Variants in MAST4 observed in about 807,000 individuals in gnomAD.
MAST4 encodes microtubule-associated serine/threonine-protein kinase 4.
Under a neutral mutation model 162.7 loss-of-function variants are expected in MAST4, and 89 were observed. The ratio of observed to expected loss-of-function variants is 0.55; its 90% CI spans 0.46 to 0.65. MAST4 has a LOEUF of 0.65. MAST4 is among the 30% of genes least tolerant of loss of function. MAST4 has a pLI of 0.00. For synonymous variants in MAST4, 1,479 were observed against 1,361.1 expected (o/e 1.09, Z -1.91); for missense variants, 3,153 against 3,374.0 (o/e 0.93, Z 1.62).
intron 4 of MAST4, among the ~76,000 whole-genome samples, chr5:66,931,504 C>T (rs144391570): frequency 0.013 from 2,030 of 152,046 alleles, 28 homozygotes; most frequent in Middle Eastern, 0.037. Context: ...TGAAAGGAGC[C>T]GAGCTAACTC....
intron 4 of MAST4, among the ~76,000 whole-genome samples, chr5:66,976,667 T>C (rs1748180474): frequency 6.6e-6 from 1 of 152,214 alleles, no homozygotes; most frequent in Admixed American, 6.5e-5. Flanking sequence ...TTCCGTAGGC[T>C]CTAGCATTCA....
intron 4 of MAST4, among the ~76,000 whole-genome samples, chr5:67,010,211 G>A (rs1752510909): frequency 6.6e-6 from 1 of 152,168 alleles, no homozygotes; most frequent in Non-Finnish European, 1.5e-5. Flanking sequence ...AGTGATAAAT[G>A]AGATAGATGA....
intron 3 of MAST4, among the ~76,000 whole-genome samples, chr5:66,797,006 C>A (rs1428957213): frequency 6.6e-6 from 1 of 152,200 alleles, no homozygotes; most frequent in Non-Finnish European, 1.5e-5. Flanking sequence ...CAGGATTTTA[C>A]TGGTTTCCGT....
chr5:66,799,914 C>T (rs1304616836), intron 3 of MAST4, among the ~76,000 whole-genome samples: 1 of 152,150 alleles, frequency 6.6e-6, no homozygotes, highest in Non-Finnish European at 1.5e-5. Context: ...GTACCTATCT[C>T]ATGTCATTGT....
Position 66,910,741 on chromosome 5 carries a change from C to CTTTGTTTTTTTTTTTTTTT in MAST4, c.674+10762_674+10763insGTTTTTTTTTTTTTTTTTT, listed in dbSNP as rs1763690763. Among the ~76,000 whole-genome samples the CTTTGTTTTTTTTTTTTTTT allele has an allele frequency of 3.1e-3, 63 of 20,100 alleles. 2 individuals carry two copies. The highest frequency in any genetic ancestry group is 7.9e-3 in the Admixed American group (12 of 1,528). The allele number at this position is 20,100 out of a possible 152,430, so 13.2% of individuals were successfully genotyped here. A position where few individuals can be genotyped will look rare whatever the true frequency, so the allele number is the denominator to read the frequency against. On this transcript the variant is annotated intron_variant, in intron 4 of 28. Coordinates refer to ENST00000403625, the MANE Select transcript of MAST4 (RefSeq NM_001164664.2). ...GAATACACATGTGGTTTTTTTTTTT[C>CTTTGTTTTTTTTTTTTTTT]TTTTTTTTTTTTTCTTTTTTTTTTT...
intron 4 of MAST4, among the ~76,000 whole-genome samples, chr5:67,033,347 CTTTTT>C (rs5868472): frequency 7.1e-5 from 8 of 112,148 alleles, no homozygotes; most frequent in Non-Finnish European, 1.0e-4. Context: ...GTGTGTGTGG[CTTTTT>C]TTTTTTCAGA....
chr5:67,117,102 A>G (rs1767009992), intron 12 of MAST4, among the ~76,000 whole-genome samples: 1 of 152,192 alleles, frequency 6.6e-6, no homozygotes, highest in South Asian at 2.1e-4. Context: ...TATCTTTGTA[A>G]TTGCTTAACA....
At chr5:67,041,482 T>A (rs1298280417) in intron 4 of MAST4, among the ~76,000 whole-genome samples, 1 of 152,188 alleles carries the variant, frequency 6.6e-6, no homozygotes, top group African/African-American at 2.4e-5. Flanking sequence ...AATATTTTAT[T>A]TTATTCTTTT....
chr5:66,675,646 G>C (rs1223121572), intron 1 of MAST4, among the ~76,000 whole-genome samples: 1 of 152,240 alleles, frequency 6.6e-6, no homozygotes, highest in African/African-American at 2.4e-5. Context: ...AGAACATCAC[G>C]GGGAGGCTCA....
intron 3 of MAST4, among the ~76,000 whole-genome samples, chr5:66,896,182 A>G (rs977555266): frequency 3.3e-5 from 5 of 152,116 alleles, no homozygotes; most frequent in African/African-American, 9.7e-5. Context: ...TGACAGCTTT[A>G]AGGAGCACGG....
In MAST4 at chr5:66,854,947, G is replaced by T. The variant is rs565391621; in HGVS notation, c.643-45004G>T. Among the ~76,000 whole-genome samples the T allele has an allele frequency of 4.6e-5, 7 of 152,268 alleles. No homozygotes were observed. The East Asian group carries it at 9.7e-4, about 21-fold the overall frequency. ...CATTGTCACATTTTATGACAAGTGT[G>T]TGCGAATTCTGCCTTGCTAGATTTG... On this transcript the variant is annotated intron_variant, in intron 3 of 28. Transcript: ENST00000403625.
At chr5:67,006,530 C>A (rs1752056779) in intron 4 of MAST4, among the ~76,000 whole-genome samples, 2 of 152,216 alleles carry the variant, frequency 1.3e-5, no homozygotes, top group African/African-American at 2.4e-5. Context: ...TGGACAGAAT[C>A]CCTTAAATAT....
chr5:66,717,799 C>T (rs911225670), intron 1 of MAST4, among the ~76,000 whole-genome samples: 38 of 152,132 alleles, frequency 2.5e-4, no homozygotes, highest in African/African-American at 8.7e-4. Context: ...ATTTATAAAA[C>T]GTTTCCAGAT....
chr5:66,698,995 A>G (rs1439218705), intron 1 of MAST4, among the ~76,000 whole-genome samples: 2 of 152,192 alleles, frequency 1.3e-5, no homozygotes, highest in East Asian at 3.9e-4. Context: ...ATCTTGTTTA[A>G]AGTATAAACC....
chr5:66,602,931 T>C (rs916452985), intron 1 of MAST4, among the ~76,000 whole-genome samples: 40 of 152,130 alleles, frequency 2.6e-4, no homozygotes, highest in Admixed American at 2.6e-3. Flanking sequence ...TGAGGGTCAT[T>C]ATAAGGATTA....
At chr5:67,066,173 A>G (rs908703008) in intron 5 of MAST4, among the ~76,000 whole-genome samples, 12 of 152,166 alleles carry the variant, frequency 7.9e-5, no homozygotes, top group African/African-American at 1.2e-4. Context: ...AAAAACTTCT[A>G]TTTACAAAAG....
intron 3 of MAST4, among the ~76,000 whole-genome samples, chr5:66,802,038 T>G (rs1435464361): frequency 6.6e-6 from 1 of 152,222 alleles, no homozygotes; most frequent in Non-Finnish European, 1.5e-5. Flanking sequence ...AGAACATTGC[T>G]TATGAAATCC....
chr5:66,838,620 G>C (rs1038541373), intron 3 of MAST4, among the ~76,000 whole-genome samples: 1 of 152,170 alleles, frequency 6.6e-6, no homozygotes, highest in Admixed American at 6.6e-5. Context: ...GGGGCCTTGA[G>C]CATGGTGCCC....
At chr5:66,808,554 A>G (rs907628485) in intron 3 of MAST4, among the ~76,000 whole-genome samples, 1 of 152,064 alleles carries the variant, frequency 6.6e-6, no homozygotes, top group Non-Finnish European at 1.5e-5. Flanking sequence ...CTTTTTGTTA[A>G]CCTACCTGTT....
Sources: gnomAD v4.1 joint callset for allele counts (sites outside exome capture counted in the v4.1 genomes callset) on GRCh38, gnomAD v4.1.1 for gene constraint, MANE v1.5 for transcripts, NCBI Gene and HGNC (gene_info 2026-07-23, HGNC 2026-07-21) for gene names.